HS3ST4: variants seen among roughly 807,000 people sequenced by gnomAD.
HS3ST4 encodes the protein heparan sulfate-glucosamine 3-sulfotransferase 4, also known as heparan sulfate glucosamine 3-O-sulfotransferase 4.
In HS3ST4, 17 loss-of-function variants were observed where a neutral mutation model predicts 29.2. The observed-to-expected ratio is 0.58, with a 90% CI of 0.40 to 0.87. HS3ST4 has a LOEUF of 0.87. HS3ST4 is among the 40% of genes least tolerant of loss of function. The probability of loss-of-function intolerance (pLI) is 0.00; values close to 1 mark genes in which losing one functional copy is unlikely to be tolerated. For synonymous variants in HS3ST4, 314 were observed against 285.7 expected (o/e 1.10, Z -1.00); for missense variants, 627 against 634.5 (o/e 0.99, Z 0.13).
chr16:25,899,205 G>T (rs1968098456), intron 1 of HS3ST4, among the ~76,000 whole-genome samples: 1 of 152,184 alleles, frequency 6.6e-6, no homozygotes, highest in Non-Finnish European at 1.5e-5. Context: ...GTTGTCTTCT[G>T]TATAAAGTCT....
At chr16:25,872,646 C>T (rs1471847420) in intron 1 of HS3ST4, among the ~76,000 whole-genome samples, 2 of 152,178 alleles carry the variant, frequency 1.3e-5, no homozygotes, top group Non-Finnish European at 2.9e-5. Flanking sequence ...AAAGAGCTAG[C>T]CCTAAAATGC....
intron 1 of HS3ST4, among the ~76,000 whole-genome samples, chr16:26,072,096 A>G (rs1449833296): frequency 6.6e-6 from 1 of 152,168 alleles, no homozygotes; most frequent in Non-Finnish European, 1.5e-5. Flanking sequence ...GTCAGCAGAG[A>G]GTCATGTGAA....
intron 1 of HS3ST4, among the ~76,000 whole-genome samples, chr16:26,056,062 GAGAGAGAGA>G (rs1898404306): frequency 1.3e-5 from 2 of 151,682 alleles, no homozygotes; most frequent in African/African-American, 4.9e-5. Context: ...GAGAGAGAGA[GAGAGAGAGA>G]GAGAGAGAAG....
intron 1 of HS3ST4, among the ~76,000 whole-genome samples, chr16:25,830,274 G>A (rs538089260): frequency 1.1e-4 from 17 of 152,290 alleles, no homozygotes; most frequent in South Asian, 1.0e-3. Flanking sequence ...ATCAGTGCAC[G>A]TTTCACGATG....
chr16:26,130,219 C>T (rs749273227), intron 1 of HS3ST4, among the ~76,000 whole-genome samples: 6 of 152,192 alleles, frequency 3.9e-5, no homozygotes, highest in South Asian at 2.1e-4. Flanking sequence ...CTGCTCTGAG[C>T]GCCCAAGATA....
At chr16:26,084,978 T>C (rs1898768516) in intron 1 of HS3ST4, among the ~76,000 whole-genome samples, 1 of 152,164 alleles carries the variant, frequency 6.6e-6, no homozygotes, top group Admixed American at 6.5e-5. Flanking sequence ...GCTAATAGCA[T>C]AATGCTCCCT....
intron 1 of HS3ST4, among the ~76,000 whole-genome samples, chr16:26,097,170 A>G (rs1898935075): frequency 6.6e-6 from 1 of 152,250 alleles, no homozygotes; most frequent in Admixed American, 6.5e-5. Context: ...AAGGTAATTT[A>G]TAGATTCAGT....
At chr16:25,975,654 A>G (rs1307578118) in intron 1 of HS3ST4, among the ~76,000 whole-genome samples, 1 of 152,130 alleles carries the variant, frequency 6.6e-6, no homozygotes, top group African/African-American at 2.4e-5. Context: ...AGAATATTGC[A>G]GTTGCCTCTT....
chr16:25,776,149 A>T (rs1263224655), intron 1 of HS3ST4, among the ~76,000 whole-genome samples: 1 of 152,122 alleles, frequency 6.6e-6, no homozygotes, highest in African/African-American at 2.4e-5. Context: ...GTTTTTCTAC[A>T]TAGCAATGTA....
chr16:25,917,978 T>C (rs542126421), intron 1 of HS3ST4, among the ~76,000 whole-genome samples: 1 of 152,314 alleles, frequency 6.6e-6, no homozygotes, highest in Admixed American at 6.5e-5. Flanking sequence ...CTTACTTTAA[T>C]ATCTCCAAAC....
At chr16:25,828,294 T>TTCCCTCTCTCTC in intron 1 of HS3ST4, among the ~76,000 whole-genome samples, 1 of 45,124 alleles carries the variant, frequency 2.2e-5, no homozygotes, top group Non-Finnish European at 4.3e-5. Flanking sequence ...CTTTCTTTCT[T>TTCCCTCTCTCTC]TCTTTCCCTC....
intron 1 of HS3ST4, among the ~76,000 whole-genome samples, chr16:25,703,062 G>A (rs1253399328): frequency 6.6e-6 from 1 of 152,152 alleles, no homozygotes; most frequent in Non-Finnish European, 1.5e-5. Context: ...AGGAGGCTGA[G>A]GCAGGAGAAT....
intron 1 of HS3ST4, among the ~76,000 whole-genome samples, chr16:25,929,317 G>T (rs73517518): frequency 0.015 from 2,305 of 151,878 alleles, 47 homozygotes; most frequent in African/African-American, 0.052. Flanking sequence ...GGTGAGCTCA[G>T]ATCACACCAC....
intron 1 of HS3ST4, among the ~76,000 whole-genome samples, chr16:25,935,656 TTTTTAGTGCTGAATAATATTCCA>T (rs1358400195): frequency 6.6e-6 from 1 of 152,222 alleles, no homozygotes; most frequent in African/African-American, 2.4e-5. Flanking sequence ...CACTCATTCC[TTTTTAGTGCTGAATAATATTCCA>T]TTGTCTGGAT....
At chr16:26,014,397 A>T (rs1334581172) in intron 1 of HS3ST4, among the ~76,000 whole-genome samples, 1 of 152,182 alleles carries the variant, frequency 6.6e-6, no homozygotes, top group Non-Finnish European at 1.5e-5. Context: ...TTATATAGGT[A>T]AATTGAGTGT....
intron 1 of HS3ST4, among the ~76,000 whole-genome samples, chr16:25,915,384 A>G (rs917666861): frequency 6.6e-6 from 1 of 152,222 alleles, no homozygotes; most frequent in Non-Finnish European, 1.5e-5. Flanking sequence ...TTTAAAACTA[A>G]TAAAATTATT....
chr16:26,098,403 C>T (rs372485932), intron 1 of HS3ST4, among the ~76,000 whole-genome samples: 20 of 152,092 alleles, frequency 1.3e-4, no homozygotes, highest in African/African-American at 4.1e-4. Flanking sequence ...ACTATGCAGC[C>T]GTAAAAAAGG....
At chr16:26,055,819 A>C (rs1300979360) in intron 1 of HS3ST4, among the ~76,000 whole-genome samples, 2 of 152,156 alleles carry the variant, frequency 1.3e-5, no homozygotes, top group African/African-American at 4.8e-5. Flanking sequence ...CTGAATATAC[A>C]GAAAGAAGTG....
chr16:25,758,848 C>T lies in HS3ST4; in HGVS notation c.734+65697C>T, dbSNP rs560089978. Among the ~76,000 whole-genome samples, 25 of 151,822 alleles carry T rather than the reference C, an allele frequency of 1.6e-4. No homozygotes were observed. In the South Asian group the frequency reaches 3.1e-3, roughly 19 times the overall value. On this transcript the variant is annotated intron_variant, in intron 1 of 1. Coordinates refer to ENST00000331351, the MANE Select transcript of HS3ST4 (RefSeq NM_006040.3). ...GTGCACGCCTGTAATCCCAGCTACT[C>T]GGGAGGCTGAGGCATGAGAATCACT...
Sources: gnomAD v4.1 joint callset for allele counts (sites outside exome capture counted in the v4.1 genomes callset) on GRCh38, gnomAD v4.1.1 for gene constraint, MANE v1.5 for transcripts, NCBI Gene and HGNC (gene_info 2026-07-23, HGNC 2026-07-21) for gene names.